EML4: variants seen among roughly 807,000 people sequenced by gnomAD.
The protein encoded by EML4 is echinoderm microtubule-associated protein-like 4.
Under a neutral mutation model 129.0 loss-of-function variants are expected in EML4, and 72 were observed. That is an observed-to-expected ratio of 0.56 (90% CI 0.46 to 0.68). The LOEUF (loss-of-function observed/expected upper bound fraction) is 0.68, where lower values mean the gene tolerates loss of function less well. Among genes scored for constraint, EML4 ranks in the 30% least tolerant of loss-of-function variants. The pLI is 0.00. For missense variants in EML4, 1,363 were observed against 1,190.6 expected, an observed-to-expected ratio of 1.14 and a Z score of -2.13; for synonymous variants, 532 against 405.0, an observed-to-expected ratio of 1.31 and a Z score of -3.77.
At chr2:42,291,295 A>G (rs1027048172) in intron 11 of EML4, among the ~76,000 whole-genome samples, 4 of 152,220 alleles carry the variant, frequency 2.6e-5, no homozygotes, top group African/African-American at 9.6e-5. Context: ...TTAGAAGAAA[A>G]TACAGAACAC....
At chr2:42,174,779 T>C (rs1246401458) in intron 1 of EML4, among the ~76,000 whole-genome samples, 1 of 152,210 alleles carries the variant, frequency 6.6e-6, no homozygotes, top group Non-Finnish European at 1.5e-5. Context: ...TAAATTATTA[T>C]ACTTTTATAG....
At chr2:42,326,058 A>C (rs1285199813) in intron 20 of EML4, 96 bp from the exon 21 acceptor site, 1 of 1,500,800 alleles carries the variant, frequency 6.7e-7, no homozygotes. Context: ...ATGGATTATA[A>C]ATACAAGTAA....
chr2:42,227,979 G>A (rs1174782433), intron 1 of EML4, among the ~76,000 whole-genome samples: 3 of 152,100 alleles, frequency 2.0e-5, no homozygotes, highest in African/African-American at 7.2e-5. Context: ...CAACACTTTG[G>A]GAGGCCAAGG....
intron 1 of EML4, among the ~76,000 whole-genome samples, chr2:42,188,447 C>T (rs1372923758): frequency 6.6e-6 from 1 of 151,890 alleles, no homozygotes; most frequent in East Asian, 1.9e-4. Context: ...GTCTCAAACT[C>T]CTGGGCTGAA....
At chr2:42,321,462 C>T (rs112653867) in intron 19 of EML4, among the ~76,000 whole-genome samples, 52 of 152,104 alleles carry the variant, frequency 3.4e-4, no homozygotes, top group African/African-American at 1.1e-3. Context: ...ATCAAGAACT[C>T]GGATCCTTTC....
chr2:42,247,708 G>C (rs1273628396), intron 2 of EML4, among the ~76,000 whole-genome samples: 1 of 151,738 alleles, frequency 6.6e-6, no homozygotes, highest in African/African-American at 2.4e-5. Flanking sequence ...CAACTTTGAG[G>C]ACCGCCAAGA....
chr2:42,212,314 G>T (rs1161155838), intron 1 of EML4, among the ~76,000 whole-genome samples: 1 of 152,094 alleles, frequency 6.6e-6, no homozygotes, highest in Non-Finnish European at 1.5e-5. Flanking sequence ...TCAAAGTAAT[G>T]CATGCTATTT....
At chr2:42,324,592 C>T (rs1669689247) in intron 19 of EML4, among the ~76,000 whole-genome samples, 1 of 152,146 alleles carries the variant, frequency 6.6e-6, no homozygotes, top group South Asian at 2.1e-4. Context: ...GTACTCCAGC[C>T]TTGGCAACAG....
At chr2:42,185,525 T>A (rs1181489887) in intron 1 of EML4, among the ~76,000 whole-genome samples, 1 of 152,214 alleles carries the variant, frequency 6.6e-6, no homozygotes, top group Non-Finnish European at 1.5e-5. Context: ...GGTTGAGCCA[T>A]GATTTACTTC....
chr2:42,176,701 A>C (rs1367325361), intron 1 of EML4, among the ~76,000 whole-genome samples: 3 of 152,326 alleles, frequency 2.0e-5, no homozygotes, highest in South Asian at 4.1e-4. Flanking sequence ...TTATTGCAGA[A>C]TGTTTATTCC....
intron 4 of EML4, among the ~76,000 whole-genome samples, chr2:42,262,436 G>C (rs1462418828): frequency 6.6e-6 from 1 of 152,048 alleles, no homozygotes; most frequent in African/African-American, 2.4e-5. Context: ...TCTCTTTAAG[G>C]TTCTGATTTC....
At chr2:42,179,471 C>G (rs949963634) in intron 1 of EML4, among the ~76,000 whole-genome samples, 2 of 152,046 alleles carry the variant, frequency 1.3e-5, no homozygotes, top group African/African-American at 4.8e-5. Context: ...GTTTATTGAA[C>G]TTGGTAACTG....
chr2:42,306,695 A>C (rs1433885906), intron 17 of EML4, among the ~76,000 whole-genome samples: 3 of 149,330 alleles, frequency 2.0e-5, no homozygotes, highest in African/African-American at 7.4e-5. Flanking sequence ...GTAGAGACAG[A>C]GTTTCACCGT....
At chr2:42,328,566 G>A (rs1008373527) in intron 21 of EML4, among the ~76,000 whole-genome samples, 1 of 152,184 alleles carries the variant, frequency 6.6e-6, no homozygotes, top group Non-Finnish European at 1.5e-5. Flanking sequence ...AAAAGGAAGA[G>A]CTTATTGCTG....
chr2:42,269,073 A>G (rs539856909), intron 6 of EML4, among the ~76,000 whole-genome samples: 2 of 152,346 alleles, frequency 1.3e-5, no homozygotes, highest in African/African-American at 4.8e-5. Context: ...GTGATATCCT[A>G]ACTGTACAGG....
intron 2 of EML4, among the ~76,000 whole-genome samples, chr2:42,249,950 G>A (rs1031139765): frequency 3.3e-5 from 5 of 152,104 alleles, no homozygotes; most frequent in African/African-American, 9.7e-5. Context: ...CCTGTACTTC[G>A]GAGCAAAAGG....
chr2:42,285,587 T>A (rs1667250829), intron 9 of EML4, among the ~76,000 whole-genome samples: 1 of 64,880 alleles, frequency 1.5e-5, no homozygotes, highest in South Asian at 3.2e-4. Context: ...TGACTCCACC[T>A]TTTTTTTTTC....
chr2:42,294,546 C>T (rs1045166318), intron 11 of EML4, among the ~76,000 whole-genome samples: 5 of 152,028 alleles, frequency 3.3e-5, no homozygotes, highest in African/African-American at 1.2e-4. Context: ...AAATACAAAA[C>T]TTAGCTGGGC....
At chr2:42,259,594 T>C (rs941913827) in intron 3 of EML4, among the ~76,000 whole-genome samples, 1 of 152,126 alleles carries the variant, frequency 6.6e-6, no homozygotes, top group African/African-American at 2.4e-5. Context: ...TCATAAAATA[T>C]ATCCATAAAT....
Sources: gnomAD v4.1 joint callset for allele counts (sites outside exome capture counted in the v4.1 genomes callset) on GRCh38, gnomAD v4.1.1 for gene constraint, MANE v1.5 for transcripts, NCBI Gene and HGNC (gene_info 2026-07-23, HGNC 2026-07-21) for gene names.